GALNT14: variants seen among roughly 807,000 people sequenced by gnomAD.
The protein encoded by GALNT14 is UDP-GalNAc:polypeptide N-acetylgalactosaminyltransferase 14.
GALNT14 carries 60 observed loss-of-function variants against 77.5 expected under a neutral mutation model. That is an observed-to-expected ratio of 0.77 (90% CI 0.63 to 0.96). The LOEUF (loss-of-function observed/expected upper bound fraction) is 0.96. Among genes scored for constraint, GALNT14 ranks in the 40% least tolerant of loss-of-function variants. GALNT14 has a pLI of 0.00. For missense variants in GALNT14, 710 were observed against 731.0 expected (o/e 0.97, Z 0.33); for synonymous variants, 280 against 281.7 (o/e 0.99, Z 0.06).
intron 6 of GALNT14, among the ~76,000 whole-genome samples, chr2:30,953,108 T>C (rs187221417): frequency 2.0e-5 from 3 of 152,270 alleles, no homozygotes; most frequent in Admixed American, 2.0e-4. Context: ...TTTAACATAC[T>C]CCGGTTTCCT....
rs1391522340 is a variant in GALNT14 at position 31,115,083 on chromosome 2, C to A, written c.129+22875G>T. ...GCAACCTAGCAAGACCCCATCTCTA[C>A]TAAATAAATAAATAAAATTAGCCAG... On this transcript the variant is annotated intron_variant, in intron 1 of 14. Transcript: ENST00000349752. 6.6e-6 allele frequency among the ~76,000 whole-genome samples: 1 copy of A among 151,774 alleles called. No homozygotes were observed. Among genetic ancestry groups the A allele is most frequent in the Admixed American group, 6.6e-5 (1 of 15,224 alleles).
intron 1 of GALNT14, among the ~76,000 whole-genome samples, chr2:31,022,595 G>A (rs1671789699): frequency 6.6e-6 from 1 of 152,224 alleles, no homozygotes; most frequent in Non-Finnish European, 1.5e-5. Flanking sequence ...GTGGAGCTAA[G>A]GGGGTGCTTC....
At position 30,945,785 on chromosome 2, in the gene GALNT14, C is replaced by G. The variant is rs763929257; in HGVS notation, c.740G>C (p.Gly247Ala). The G allele has an allele frequency of 9.3e-6, 15 of 1,613,724 alleles. No individual in the cohort carries two copies. Among genetic ancestry groups the G allele is most frequent in the Admixed American group, 3.3e-5 (2 of 60,016 alleles). Residue 247 changes from glycine to alanine, a missense_variant and splice_region_variant, in exon 7 of 15, where the codon GGG (glycine) becomes GCG (alanine). Coordinates refer to ENST00000349752, the MANE Select transcript of GALNT14 (RefSeq NM_024572.4). ...TYIESASELR[G>A]GFDWSLHFQW... ...GAGGAGGTGTTAGCCCAACTCACCC[C>G]CTCTGAGCTCCGAGGCAGACTCGAT...
At chr2:31,085,267 C>T (rs951518832) in intron 1 of GALNT14, among the ~76,000 whole-genome samples, 3 of 152,168 alleles carry the variant, frequency 2.0e-5, no homozygotes, top group South Asian at 2.1e-4. Context: ...GAAAGGCAGG[C>T]TTGGATCTCC....
chr2:31,073,571 C>T (rs1675563961), intron 1 of GALNT14, among the ~76,000 whole-genome samples: 1 of 152,128 alleles, frequency 6.6e-6, no homozygotes, highest in African/African-American at 2.4e-5. Flanking sequence ...GGGAAAACAA[C>T]TGCAAAGGCC....
intron 1 of GALNT14, among the ~76,000 whole-genome samples, chr2:31,003,926 G>A (rs1005089367): frequency 5.3e-5 from 8 of 152,232 alleles, no homozygotes; most frequent in African/African-American, 1.4e-4. Context: ...TCCCAGGCAC[G>A]TGCCAGGAAG....
intron 2 of GALNT14, among the ~76,000 whole-genome samples, chr2:30,978,083 G>A (rs576973265): frequency 2.3e-4 from 35 of 152,148 alleles, no homozygotes; most frequent in African/African-American, 7.5e-4. Flanking sequence ...CTCCACCCTC[G>A]TGTTAGCTCT....
At chr2:31,042,273 T>C (rs1031220846) in intron 1 of GALNT14, among the ~76,000 whole-genome samples, 1 of 152,204 alleles carries the variant, frequency 6.6e-6, no homozygotes, top group African/African-American at 2.4e-5. Flanking sequence ...GACTTACACC[T>C]CTCTTTTCAA....
In GALNT14 at chr2:31,027,440, A is replaced by C. The variant is rs1672137479; in HGVS notation, c.130-34433T>G. On this transcript the variant is annotated intron_variant, in intron 1 of 14. Transcript: ENST00000349752. ...CTCAAAACAAAGCAAAAAAAAAAAA[A>C]AAAACAGTCCCTGTGCTCAGTATTT... 2.0e-5 allele frequency among the ~76,000 whole-genome samples: 3 copies of C among 151,988 alleles called. No individual in the cohort carries two copies. In the South Asian group the frequency reaches 6.2e-4, roughly 32 times the overall value.
At chr2:30,940,606 G>C (rs1339676117) in intron 9 of GALNT14, among the ~76,000 whole-genome samples, 1 of 152,340 alleles carries the variant, frequency 6.6e-6, no homozygotes, top group Non-Finnish European at 1.5e-5. Context: ...GGATTCATCT[G>C]ATGGCTGAGA....
intron 2 of GALNT14, among the ~76,000 whole-genome samples, chr2:30,981,528 T>C (rs1668988005): frequency 6.6e-6 from 1 of 151,868 alleles, no homozygotes; most frequent in East Asian, 1.9e-4. Flanking sequence ...GTGGAGGGCA[T>C]GAGAGGGTGG....
chr2:30,970,962 G>C (rs551442017), intron 2 of GALNT14, among the ~76,000 whole-genome samples: 8 of 152,248 alleles, frequency 5.3e-5, no homozygotes, highest in African/African-American at 1.9e-4. Context: ...CTGGGGTGAG[G>C]GAAATCCACA....
intron 1 of GALNT14, among the ~76,000 whole-genome samples, chr2:31,089,066 T>C (rs564874229): frequency 3.3e-4 from 50 of 152,114 alleles, no homozygotes; most frequent in African/African-American, 1.2e-3. Flanking sequence ...GGGGAGGAGG[T>C]GTCTTGTTGC....
intron 1 of GALNT14, among the ~76,000 whole-genome samples, chr2:31,080,160 T>G (rs899673767): frequency 6.6e-6 from 1 of 152,108 alleles, no homozygotes; most frequent in Non-Finnish European, 1.5e-5. Context: ...AAACAGTAAC[T>G]CAAGTGGGTC....
intron 2 of GALNT14, among the ~76,000 whole-genome samples, chr2:30,987,710 TCCCCCTCC>T (rs1558469274): frequency 6.4e-3 from 74 of 11,652 alleles, no homozygotes; most frequent in African/African-American, 0.026. Flanking sequence ...TCCTCCTCCC[TCCCCCTCC>T]TCCCCCTCCT....
intron 3 of GALNT14, among the ~76,000 whole-genome samples, chr2:30,961,456 C>T (rs1017988673): frequency 2.2e-4 from 34 of 152,144 alleles, no homozygotes; most frequent in Admixed American, 6.5e-4. Context: ...AGTACTGAAC[C>T]TTCAGCACTA....
intron 1 of GALNT14, among the ~76,000 whole-genome samples, chr2:31,053,844 G>C (rs1053891501): frequency 1.3e-5 from 2 of 152,170 alleles, no homozygotes; most frequent in African/African-American, 4.8e-5. Context: ...TTCTCATGCT[G>C]GTTTTTAGAT....
intron 1 of GALNT14, among the ~76,000 whole-genome samples, chr2:31,058,354 G>C (rs753248253): frequency 6.6e-6 from 1 of 152,152 alleles, no homozygotes; most frequent in Non-Finnish European, 1.5e-5. Context: ...GCGGAGAGCA[G>C]GGTGCCTGGT....
chr2:31,058,251 T>C (rs898213682), intron 1 of GALNT14, among the ~76,000 whole-genome samples: 17 of 152,208 alleles, frequency 1.1e-4, no homozygotes, highest in African/African-American at 4.1e-4. Context: ...TTCACCTCTC[T>C]GAGCCTCAGC....
Sources: gnomAD v4.1 joint callset for allele counts (sites outside exome capture counted in the v4.1 genomes callset) on GRCh38, gnomAD v4.1.1 for gene constraint, MANE v1.5 for transcripts, NCBI Gene and HGNC (gene_info 2026-07-23, HGNC 2026-07-21) for gene names.